The following SLC35F1 variants were observed in gnomAD, a reference collection of about 807,000 sequenced individuals.
SLC35F1 encodes chromosome 6 open reading frame 169.
A neutral mutation model predicts 48.7 loss-of-function variants in SLC35F1; 14 were observed. The ratio of observed to expected loss-of-function variants is 0.29; its 90% CI spans 0.19 to 0.45. The LOEUF (loss-of-function observed/expected upper bound fraction) is 0.45, where lower values mean the gene tolerates loss of function less well. Ranked by LOEUF, SLC35F1 falls within the 20% of genes least tolerant of loss-of-function variation. The pLI, the probability that SLC35F1 is intolerant of heterozygous loss-of-function variation, is 1.00. For synonymous variants in SLC35F1, 190 were observed against 202.2 expected, an observed-to-expected ratio of 0.94 and a Z score of 0.51; for missense variants, 404 against 500.0, an observed-to-expected ratio of 0.81 and a Z score of 1.83.
At chr6:118,266,081 T>C (rs1775769886) in intron 3 of SLC35F1, among the ~76,000 whole-genome samples, 1 of 152,192 alleles carries the variant, frequency 6.6e-6, no homozygotes, top group Non-Finnish European at 1.5e-5. Context: ...TGCTGATCTT[T>C]GGGGAAAGTT....
In SLC35F1 at chr6:118,070,004, C is replaced by T. The variant is rs529850372; in HGVS notation, c.174-84441C>T. ...ACAAAAAATTAGCCGGGCGCGGTGGCGGGCGCCTGTAGTCCCAGCTACTCG... is the reference window on the plus strand; with the variant it reads ...ACAAAAAATTAGCCGGGCGCGGTGGTGGGCGCCTGTAGTCCCAGCTACTCG... On this transcript the variant is annotated intron_variant, in intron 1 of 7. Coordinates refer to ENST00000360388, the MANE Select transcript of SLC35F1 (RefSeq NM_001029858.4). 4.0e-4 allele frequency among the ~76,000 whole-genome samples: 60 copies of T among 151,148 alleles called. No homozygotes were observed. The South Asian group carries it at 0.012, about 30-fold the overall frequency.
intron 2 of SLC35F1, among the ~76,000 whole-genome samples, chr6:118,168,964 AG>A (rs1161708119): frequency 6.6e-6 from 1 of 152,200 alleles, no homozygotes; most frequent in East Asian, 1.9e-4. Flanking sequence ...GCATCTGCAG[AG>A]GGGCAGGAAG....
Position 118,039,874 on chromosome 6 carries a change from A to T in SLC35F1, c.174-114571A>T, listed in dbSNP as rs1392867433. Among the ~76,000 whole-genome samples the T allele has an allele frequency of 5.8e-5, 8 of 138,532 alleles. No homozygotes were observed. In the Admixed American group the frequency reaches 6.4e-4, roughly 11 times the overall value. The allele number at this position is 138,532 out of a possible 152,430, so 90.9% of individuals were successfully genotyped here. On this transcript the variant is annotated intron_variant, in intron 1 of 7. Transcript: ENST00000360388. ...TCTTTGTATGTGTATGCTGGACACT[A>T]AATGTTATGTTATATAGACTTTGGG...
At chr6:118,119,736 A>G (rs985893185) in intron 1 of SLC35F1, among the ~76,000 whole-genome samples, 2 of 152,100 alleles carry the variant, frequency 1.3e-5, no homozygotes, top group Non-Finnish European at 2.9e-5. Flanking sequence ...GTAGGCATCC[A>G]ATTCAAATTA....
intron 1 of SLC35F1, among the ~76,000 whole-genome samples, chr6:117,993,761 G>A (rs1314335267): frequency 1.3e-5 from 2 of 152,170 alleles, no homozygotes; most frequent in African/African-American, 4.8e-5. Flanking sequence ...TAGCAGAAAT[G>A]AATTTTATAT....
At chr6:118,260,886 C>T (rs1327913788) in intron 3 of SLC35F1, among the ~76,000 whole-genome samples, 1 of 152,066 alleles carries the variant, frequency 6.6e-6, no homozygotes, top group Non-Finnish European at 1.5e-5. Flanking sequence ...GTATCTACGC[C>T]TTTGTCTGTG....
chr6:118,065,053 A>G (rs957688119), intron 1 of SLC35F1, among the ~76,000 whole-genome samples: 8 of 152,186 alleles, frequency 5.3e-5, no homozygotes, highest in Admixed American at 3.3e-4. Flanking sequence ...CTGGAGAAGA[A>G]TCCTAAATTA....
At chr6:118,246,818 A>G (rs797005626) in intron 3 of SLC35F1, among the ~76,000 whole-genome samples, 8 of 152,270 alleles carry the variant, frequency 5.3e-5, no homozygotes, top group African/African-American at 1.7e-4. Flanking sequence ...AAAAAGTTCT[A>G]TGATTTTTAT....
At chr6:118,096,643 T>A (rs1012369210) in intron 1 of SLC35F1, among the ~76,000 whole-genome samples, 2 of 152,178 alleles carry the variant, frequency 1.3e-5, no homozygotes, top group African/African-American at 4.8e-5. Flanking sequence ...CTTCATCTCT[T>A]GTTCTCTTCA....
At chr6:117,971,748 G>T (rs894546537) in intron 1 of SLC35F1, among the ~76,000 whole-genome samples, 1 of 152,214 alleles carries the variant, frequency 6.6e-6, no homozygotes, top group African/African-American at 2.4e-5. Context: ...CTGTACATTG[G>T]CCCCTTTTAG....
intron 1 of SLC35F1, among the ~76,000 whole-genome samples, chr6:118,109,778 G>C (rs564104118): frequency 5.2e-4 from 79 of 152,258 alleles, no homozygotes; most frequent in South Asian, 3.5e-3. Flanking sequence ...GGCTCTCTAA[G>C]GCTTCTGAGA....
At chr6:117,966,138 C>T (rs1045613971) in intron 1 of SLC35F1, among the ~76,000 whole-genome samples, 3 of 142,592 alleles carry the variant, frequency 2.1e-5, no homozygotes, top group African/African-American at 5.3e-5. Context: ...ACCGCCCCCC[C>T]CCCCACTCCC....
intron 6 of SLC35F1, among the ~76,000 whole-genome samples, chr6:118,281,243 A>G (rs1775981382): frequency 6.7e-6 from 1 of 149,888 alleles, no homozygotes; most frequent in African/African-American, 2.5e-5. Flanking sequence ...TGAGGTATTG[A>G]TAGGAGTCAA....
intron 1 of SLC35F1, among the ~76,000 whole-genome samples, chr6:117,946,624 A>G (rs1776298459): frequency 6.6e-6 from 1 of 152,246 alleles, no homozygotes; most frequent in Non-Finnish European, 1.5e-5. Flanking sequence ...GACCTAGAGG[A>G]AAGCCATTAG....
intron 3 of SLC35F1, among the ~76,000 whole-genome samples, chr6:118,240,446 A>C (rs1374703150): frequency 1.3e-5 from 2 of 152,260 alleles, no homozygotes; most frequent in Non-Finnish European, 2.9e-5. Flanking sequence ...TTTTCATCTG[A>C]TTAATACAGT....
chr6:117,911,683 T>C (rs1213308639), intron 1 of SLC35F1, among the ~76,000 whole-genome samples: 1 of 152,046 alleles, frequency 6.6e-6, no homozygotes, highest in African/African-American at 2.4e-5. Context: ...AGGCCTCAAG[T>C]CACCCTCCCA....
chr6:118,142,285 T>C (rs942852940), intron 1 of SLC35F1, among the ~76,000 whole-genome samples: 2 of 152,166 alleles, frequency 1.3e-5, no homozygotes, highest in African/African-American at 4.8e-5. Context: ...ATATTTAAGG[T>C]ACACAACATG....
chr6:118,172,608 G>A (rs1298093730), intron 2 of SLC35F1, among the ~76,000 whole-genome samples: 1 of 152,108 alleles, frequency 6.6e-6, no homozygotes, highest in Admixed American at 6.6e-5. Flanking sequence ...TGTGGTTTAT[G>A]TTCTTTCCTT....
chr6:118,061,588 G>GTATATATATATATATATA (rs1237884567), intron 1 of SLC35F1, among the ~76,000 whole-genome samples: 2 of 144,680 alleles, frequency 1.4e-5, no homozygotes, highest in African/African-American at 5.2e-5. Context: ...GTGTGTGTGT[G>GTATATATATATATATATA]TGTATATATA....
Sources: allele counts gnomAD v4.1 joint callset (sites outside exome capture counted in the v4.1 genomes callset), GRCh38; gene constraint gnomAD v4.1.1; transcripts MANE v1.5; gene names NCBI Gene and HGNC (gene_info 2026-07-23, HGNC 2026-07-21).